Variants in TCF7L2 observed in about 807,000 individuals in gnomAD.
The protein encoded by TCF7L2 is transcription factor 7-like 2.
TCF7L2 carries 23 observed loss-of-function variants against 77.9 expected under a neutral mutation model. The ratio of observed to expected loss-of-function variants is 0.30; its 90% confidence interval spans 0.21 to 0.42. TCF7L2 has a LOEUF of 0.42. TCF7L2 is among the 10% of genes least tolerant of loss of function. TCF7L2 has a pLI of 1.00. For synonymous variants in TCF7L2, 413 were observed against 340.2 expected (o/e 1.21, Z -2.36); for missense variants, 654 against 793.1 (o/e 0.82, Z 2.11).
chr10:113,047,394 A>G (rs1291200323), intron 5 of TCF7L2, among the ~76,000 whole-genome samples: 1 of 152,008 alleles, frequency 6.6e-6, no homozygotes, highest in Non-Finnish European at 1.5e-5. Context: ...CCTTAACTCC[A>G]CCCCGCCCTA....
chr10:113,110,035 C>T (rs2062921294), intron 5 of TCF7L2, among the ~76,000 whole-genome samples: 2 of 152,284 alleles, frequency 1.3e-5, no homozygotes, highest in South Asian at 4.1e-4. Context: ...CTGTTGAAGC[C>T]TCTAAAGAAA....
At chr10:112,956,013 A>G (rs565619625) in intron 3 of TCF7L2, among the ~76,000 whole-genome samples, 1 of 152,002 alleles carries the variant, frequency 6.6e-6, no homozygotes, top group East Asian at 1.9e-4. Context: ...TCCTGGTGCA[A>G]CTTCTCTTAC....
At chr10:113,077,439 C>T (rs938620887) in intron 5 of TCF7L2, among the ~76,000 whole-genome samples, 3 of 152,092 alleles carry the variant, frequency 2.0e-5, no homozygotes, top group Non-Finnish European at 2.9e-5. Context: ...CATTGTAGAA[C>T]ATTTTCCTCA....
At chr10:112,969,406 C>T (rs2037735229) in intron 4 of TCF7L2, among the ~76,000 whole-genome samples, 2 of 152,164 alleles carry the variant, frequency 1.3e-5, no homozygotes, top group African/African-American at 4.8e-5. Context: ...ATTTGGAGTG[C>T]TTCCAGTTTT....
rs566101159 is a variant in TCF7L2 at position 113,121,542 on chromosome 10, T to A, written c.553-19642T>A. The stretch of plus-strand genomic sequence containing the variant: ...CAATCAAGTGTTGACTTCTTTAGAA[T>A]TGCAAGTAGGTTAAGTGAGTATCAA... On this transcript the variant is annotated intron_variant, in intron 5 of 13. Coordinates refer to ENST00000627217, the MANE Select transcript of TCF7L2 (RefSeq NM_001146274.2). Among the ~76,000 whole-genome samples the A allele has an allele frequency of 9.2e-5, 14 of 152,250 alleles. No individual in the cohort carries two copies. The South Asian group carries it at 2.9e-3, about 32-fold the overall frequency.
chr10:113,074,612 C>T (rs888451927), intron 5 of TCF7L2, among the ~76,000 whole-genome samples: 3 of 152,132 alleles, frequency 2.0e-5, no homozygotes, highest in African/African-American at 7.2e-5. Flanking sequence ...GACACCAGCA[C>T]CATATTTTGC....
At chr10:112,954,893 A>G (rs1437580468) in intron 3 of TCF7L2, among the ~76,000 whole-genome samples, 1 of 152,146 alleles carries the variant, frequency 6.6e-6, no homozygotes, top group Non-Finnish European at 1.5e-5. Flanking sequence ...TCTTGAATTC[A>G]TTTTTGAACT....
chr10:112,973,813 AC>A (rs1477505794), intron 4 of TCF7L2, among the ~76,000 whole-genome samples: 4 of 151,720 alleles, frequency 2.6e-5, no homozygotes, highest in African/African-American at 9.7e-5. Context: ...CTGGTCTTGA[AC>A]CCTCACCTCA....
chr10:113,022,340 TA>T (rs1186903062), intron 4 of TCF7L2, among the ~76,000 whole-genome samples: 1 of 152,142 alleles, frequency 6.6e-6, no homozygotes, highest in Non-Finnish European at 1.5e-5. Context: ...TGCAAGCATT[TA>T]AAAAATCTCT....
intron 5 of TCF7L2, among the ~76,000 whole-genome samples, chr10:113,078,832 TTTTG>T (rs1245751628): frequency 6.6e-6 from 1 of 151,878 alleles, no homozygotes; most frequent in Non-Finnish European, 1.5e-5. Flanking sequence ...CAGATTCTTT[TTTTG>T]TTTTTTTTTT....
chr10:113,015,450 T>TC (rs1273403131), intron 4 of TCF7L2, among the ~76,000 whole-genome samples: 1 of 146,444 alleles, frequency 6.8e-6, no homozygotes, highest in African/African-American at 2.6e-5. Context: ...GATGAGCTTT[T>TC]TTTTTTTTTT....
At position 113,035,120 on chromosome 10, in the gene TCF7L2, A is replaced by G. The variant is rs115692051; in HGVS notation, c.451-4905A>G. ...ACTTCCATTCTGGAAAAGAGGGGGT[A>G]GTTATTTTGGTGAGATTGTGGTCTT... is the stretch of plus-strand genomic sequence containing the variant. On this transcript the variant is annotated intron_variant, in intron 4 of 13. Coordinates refer to ENST00000627217, the MANE Select transcript of TCF7L2 (RefSeq NM_001146274.2). Among the ~76,000 whole-genome samples the G allele has an allele frequency of 2.7e-3, 407 of 152,108 alleles. 1 individual carries two copies. The highest frequency in any genetic ancestry group is 9.3e-3 in the African/African-American group (385 of 41,474).
intron 4 of TCF7L2, among the ~76,000 whole-genome samples, chr10:113,037,500 G>A (rs1731371452): frequency 6.6e-6 from 1 of 152,222 alleles, no homozygotes; most frequent in South Asian, 2.1e-4. Context: ...AAAATTATGT[G>A]TATTGTAGGC....
At chr10:112,968,381 C>A (rs150579202) in intron 4 of TCF7L2, among the ~76,000 whole-genome samples, 2,187 of 152,218 alleles carry the variant, frequency 0.014, 56 homozygotes, top group African/African-American at 0.05. Flanking sequence ...TGATCCACTT[C>A]CACTTAATGA....
intron 5 of TCF7L2, among the ~76,000 whole-genome samples, chr10:113,055,854 A>G (rs570935875): frequency 3.7e-4 from 56 of 152,364 alleles, no homozygotes; most frequent in Non-Finnish European, 6.6e-4. Flanking sequence ...CGAATTCTGC[A>G]GATAGTTGGT....
chr10:113,081,051 T>C (rs2059270824), intron 5 of TCF7L2, among the ~76,000 whole-genome samples: 1 of 152,212 alleles, frequency 6.6e-6, no homozygotes, highest in Non-Finnish European at 1.5e-5. Flanking sequence ...GGGCGCTGTT[T>C]ACCAACACTG....
intron 5 of TCF7L2, among the ~76,000 whole-genome samples, chr10:113,108,274 C>G (rs2062665733): frequency 6.6e-6 from 1 of 152,222 alleles, no homozygotes; most frequent in Non-Finnish European, 1.5e-5. Context: ...AGCCCCCAGC[C>G]TCTGCTCCGC....
chr10:112,954,672 C>T (rs1328230310), intron 3 of TCF7L2, among the ~76,000 whole-genome samples: 2 of 152,122 alleles, frequency 1.3e-5, no homozygotes, highest in African/African-American at 4.8e-5. Context: ...AATACTGTAA[C>T]CTATTAAAGT....
chr10:113,058,044 G>C lies in TCF7L2; in HGVS notation c.552+17918G>C, dbSNP rs143757897. Among the ~76,000 whole-genome samples, 447 of 152,288 alleles carry C rather than the reference G, an allele frequency of 2.9e-3. 5 individuals are homozygous for C. Among genetic ancestry groups the C allele is most frequent in the Middle Eastern group, 0.017 (5 of 294 alleles). On this transcript the variant is annotated intron_variant, in intron 5 of 13. Transcript: ENST00000627217. ...CTCATCGAGCAAATAGAAGCTTCTG[G>C]CAGGAAGAAGTTAATGTCTTGCGTG...
Sources: gnomAD v4.1 joint callset for allele counts (sites outside exome capture counted in the v4.1 genomes callset) on GRCh38, gnomAD v4.1.1 for gene constraint, MANE v1.5 for transcripts, NCBI Gene and HGNC (gene_info 2026-07-23, HGNC 2026-07-21) for gene names.